The following MYH15 variants were observed in gnomAD, a reference collection of about 807,000 sequenced individuals.
MYH15 encodes the protein myosin heavy chain 15, also known as myosin-15.
In MYH15, 227 loss-of-function variants were observed where a neutral mutation model predicts 240.5. The ratio of observed to expected loss-of-function variants is 0.94; its 90% CI spans 0.85 to 1.05. MYH15 has a LOEUF of 1.05. MYH15 is among the 50% of genes least tolerant of loss of function. The pLI, the probability that MYH15 is intolerant of heterozygous loss-of-function variation, is 0.00. For missense variants in MYH15, 2,217 were observed against 2,247.5 expected (o/e 0.99, Z 0.27); for synonymous variants, 785 against 796.7 (o/e 0.99, Z 0.25).
At chr3:108,480,529 A>T (rs2083258912) in intron 11 of MYH15, among the ~76,000 whole-genome samples, 1 of 152,226 alleles carries the variant, frequency 6.6e-6, no homozygotes, top group Non-Finnish European at 1.5e-5. Context: ...TAGGATGCTT[A>T]ATTTTGGAAA....
At chr3:108,518,473 G>T (rs1192466289) in intron 1 of MYH15, among the ~76,000 whole-genome samples, 2 of 152,148 alleles carry the variant, frequency 1.3e-5, no homozygotes, top group Non-Finnish European at 2.9e-5. Flanking sequence ...CCAGAATGAG[G>T]CCCCCAAGTA....
At chr3:108,503,964 C>T (rs1031020357) in intron 2 of MYH15, among the ~76,000 whole-genome samples, 2 of 152,086 alleles carry the variant, frequency 1.3e-5, no homozygotes, top group African/African-American at 4.8e-5. Context: ...ACTATTTATC[C>T]ATAAAAAGGA....
At chr3:108,384,912 A>G (rs2082370394) in intron 38 of MYH15, 130 bp from the exon 39 acceptor site, 2 of 764,782 alleles carry the variant, frequency 2.6e-6, no homozygotes, top group East Asian at 5.5e-5. Flanking sequence ...GATTTTAACA[A>G]TGGGTTTAAC....
chr3:108,401,339 CAGAGGAA>C (rs2082504172), intron 33 of MYH15, among the ~76,000 whole-genome samples: 1 of 151,632 alleles, frequency 6.6e-6, no homozygotes, highest in African/African-American at 2.4e-5. Flanking sequence ...TGCATGTGCG[CAGAGGAA>C]AGCACAGATG....
chr3:108,497,109 C>T (rs578205158), intron 6 of MYH15, among the ~76,000 whole-genome samples: 5 of 136,272 alleles, frequency 3.7e-5, no homozygotes, highest in East Asian at 4.6e-4. Context: ...TGCAGTGAGC[C>T]GAGACAGCAC....
intron 12 of MYH15, among the ~76,000 whole-genome samples, chr3:108,475,029 C>T (rs888745026): frequency 6.6e-6 from 1 of 152,078 alleles, no homozygotes; most frequent in Non-Finnish European, 1.5e-5. Context: ...ATAGAGTAAG[C>T]TAAATTAATA....
At chr3:108,524,595 A>G (rs2083651738) in intron 1 of MYH15, among the ~76,000 whole-genome samples, 1 of 151,830 alleles carries the variant, frequency 6.6e-6, no homozygotes, top group East Asian at 1.9e-4. Flanking sequence ...TTTTTGGTCC[A>G]GCTTTGGAGG....
At chr3:108,410,444 A>G in intron 31 of MYH15, 139 bp downstream of exon 31, 1 of 526,226 alleles carries the variant, frequency 1.9e-6, no homozygotes, top group Non-Finnish European at 3.2e-6. Context: ...TAAAAAAAAA[A>G]TAAGTCAAAC....
chr3:108,406,731 G>A (rs2082549160), intron 32 of MYH15, among the ~76,000 whole-genome samples: 3 of 152,198 alleles, frequency 2.0e-5, no homozygotes, highest in Non-Finnish European at 4.4e-5. Flanking sequence ...TGTGGCTGAG[G>A]ACAGAAGTGG....
chr3:108,398,637 C>T lies in MYH15; in HGVS notation c.5133G>A (p.Gln1711=), dbSNP rs141841049. The change falls in exon 35 of 41, where the codon CAG becomes CAA. Residue 1711 remains glutamine (Q), a splice_region_variant and synonymous_variant. Coordinates refer to ENST00000693548, the MANE Select transcript of MYH15 (RefSeq NM_014981.3). ...AATAGGGAGAGTATATGGGCCCCAC[C>T]TGGGTATAGAAAAGATTGATTCTTT... ...ATERINLFYT[Q]NTSLLSQKKK... 1.2e-6 allele frequency: 2 copies of T among 1,612,714 alleles called. No homozygotes were observed. The highest frequency in any genetic ancestry group is 2.7e-5 in the African/African-American group (2 of 75,018).
intron 14 of MYH15, among the ~76,000 whole-genome samples, chr3:108,468,648 G>A (rs1305637751): frequency 6.6e-6 from 1 of 152,090 alleles, no homozygotes; most frequent in Non-Finnish European, 1.5e-5. Flanking sequence ...TATATCAGTA[G>A]AAAATACAAC....
At position 108,430,937 on chromosome 3, in the gene MYH15, A is replaced by G. The variant is rs768705929; in HGVS notation, c.3222-15T>C. ...CTAATTCTTTTCTGTTTAGAAAAAGATATCAAATACAATTGTTCAGAATAA... is the reference window on the plus strand; with the variant it reads ...CTAATTCTTTTCTGTTTAGAAAAAGGTATCAAATACAATTGTTCAGAATAA... On this transcript the variant is annotated splice_polypyrimidine_tract_variant and intron_variant, in intron 25 of 40. Coordinates refer to ENST00000693548, the MANE Select transcript of MYH15 (RefSeq NM_014981.3). 2 of 1,511,614 alleles carry G rather than the reference A, an allele frequency of 1.3e-6. No individual in the cohort carries two copies. The highest frequency in any genetic ancestry group is 2.3e-5 in the South Asian group (2 of 88,810). 93.6% of individuals were successfully genotyped at this position (1,511,614 alleles called of 1,614,324 possible).
At chr3:108,456,338 C>T (rs937396679) in intron 19 of MYH15, among the ~76,000 whole-genome samples, 3 of 152,108 alleles carry the variant, frequency 2.0e-5, no homozygotes, top group Non-Finnish European at 4.4e-5. Context: ...ATAATTTAAA[C>T]TTCTAGAATC....
intron 9 of MYH15, among the ~76,000 whole-genome samples, chr3:108,489,759 C>T (rs1321582566): frequency 6.6e-6 from 1 of 152,160 alleles, no homozygotes; most frequent in Non-Finnish European, 1.5e-5. Context: ...TGTATTAAGC[C>T]TCAGGATACT....
intron 14 of MYH15, among the ~76,000 whole-genome samples, chr3:108,469,423 C>G (rs2083151645): frequency 6.6e-6 from 1 of 152,204 alleles, no homozygotes; most frequent in Admixed American, 6.5e-5. Flanking sequence ...CCCCAGCAAA[C>G]CTTGCTCATC....
chr3:108,383,695 T>C lies in MYH15; in HGVS notation c.5666A>G (p.Lys1889Arg). ...TQANQYLSKY[K>R]KQQHELNEVK... is the part of the protein sequence containing the mutation. ...TTCATTCAACTCATGTTGCTGTTTC[T>C]TATACTTGGAAAGGTATTGATTGGC... Residue 1889 changes from lysine to arginine, a missense_variant, in exon 40 of 41, where the codon AAG becomes AGG. Lys to Arg is a conservative substitution (Grantham distance 26, BLOSUM62 2). Transcript: ENST00000693548. 6.2e-7 allele frequency: 1 copy of C among 1,609,408 alleles called. No individual in the cohort carries two copies.
Position 108,510,595 on chromosome 3 carries a change from A to C in MYH15, c.-65T>G. The C allele has an allele frequency of 6.3e-7, 1 of 1,596,666 alleles. No homozygotes were observed. Among genetic ancestry groups the C allele is most frequent in the Non-Finnish European group, 8.5e-7 (1 of 1,175,514 alleles). On this transcript the variant is annotated 5_prime_UTR_variant, in exon 1 of 41. Transcript: ENST00000693548. ...GAGTAGGCAAGATTCAACCTGAAAA[A>C]AAAAAATTGATACAGAGAAGAAAAA...
At chr3:108,423,622 G>A (rs1321674709) in intron 27 of MYH15, among the ~76,000 whole-genome samples, 9 of 152,214 alleles carry the variant, frequency 5.9e-5, no homozygotes, top group African/African-American at 1.2e-4. Flanking sequence ...GACTTTGACA[G>A]TCAAAGTTGG....
chr3:108,381,119 G>A lies in MYH15; in HGVS notation c.*426C>T. The A allele has an allele frequency of 5.2e-6, 1 of 190,792 alleles. No homozygotes were observed. The highest frequency in any genetic ancestry group is 1.1e-5 in the Non-Finnish European group (1 of 92,352). The allele number at this position is 190,792 out of a possible 1,614,324, so 11.8% of individuals were successfully genotyped here. ...CACAATATACATTCATAGATTTAGG[G>A]GTGAATCAAGCCAAAGTTGCCTAAC... is the stretch of plus-strand genomic sequence containing the variant. On this transcript the variant is annotated 3_prime_UTR_variant, in exon 41 of 41. Coordinates refer to ENST00000693548, the MANE Select transcript of MYH15 (RefSeq NM_014981.3).
Sources: allele counts gnomAD v4.1 joint callset (sites outside exome capture counted in the v4.1 genomes callset), GRCh38; gene constraint gnomAD v4.1.1; transcripts MANE v1.5; gene names NCBI Gene and HGNC (gene_info 2026-07-23, HGNC 2026-07-21).